Variants in MTUS2 observed in about 807,000 individuals in gnomAD.
MTUS2 encodes the protein microtubule-associated tumor suppressor candidate 2.
MTUS2 carries 40 observed loss-of-function variants against 114.1 expected under a neutral mutation model. The observed-to-expected ratio is 0.35, with a 90% CI of 0.27 to 0.46. The LOEUF (loss-of-function observed/expected upper bound fraction) is 0.46. Among genes scored for constraint, MTUS2 ranks in the 20% least tolerant of loss-of-function variants. MTUS2 has a pLI of 1.00. For missense variants in MTUS2, 1,679 were observed against 1,705.4 expected (o/e 0.98, Z 0.27); for synonymous variants, 688 against 672.0 (o/e 1.02, Z -0.37).
intron 6 of MTUS2, among the ~76,000 whole-genome samples, chr13:29,314,953 A>C (rs1899926286): frequency 6.6e-6 from 1 of 152,214 alleles, no homozygotes; most frequent in Admixed American, 6.5e-5. Context: ...GAATAAAGAA[A>C]ACGTGGTACA....
intron 8 of MTUS2, among the ~76,000 whole-genome samples, chr13:29,415,836 T>A (rs1432038812): frequency 6.6e-6 from 1 of 152,164 alleles, no homozygotes; most frequent in African/African-American, 2.4e-5. Flanking sequence ...GTTGTTGTTG[T>A]TCTAGTGGTT....
chr13:28,833,809 C>T (rs1874874121), intron 1 of MTUS2, among the ~76,000 whole-genome samples: 1 of 151,994 alleles, frequency 6.6e-6, no homozygotes, highest in Non-Finnish European at 1.5e-5. Flanking sequence ...GGACTGTATA[C>T]ACAGACTGTG....
At chr13:28,842,052 G>T (rs1025361631) in intron 2 of MTUS2, among the ~76,000 whole-genome samples, 2 of 152,106 alleles carry the variant, frequency 1.3e-5, no homozygotes, top group Non-Finnish European at 2.9e-5. Context: ...TATGGTGGAG[G>T]ATTTGATACT....
intron 8 of MTUS2, among the ~76,000 whole-genome samples, chr13:29,373,847 A>G (rs1241829781): frequency 2.0e-5 from 3 of 152,260 alleles, no homozygotes; most frequent in African/African-American, 4.8e-5. Context: ...CATACAAAGA[A>G]TCAGGAAATC....
intron 5 of MTUS2, among the ~76,000 whole-genome samples, chr13:29,132,035 T>G (rs772692617): frequency 1.3e-5 from 2 of 152,230 alleles, no homozygotes; most frequent in Non-Finnish European, 1.5e-5. Flanking sequence ...CCTCCCAAGA[T>G]GACACTGCTG....
chr13:28,879,516 A>G (rs1878159917), intron 2 of MTUS2, among the ~76,000 whole-genome samples: 1 of 152,058 alleles, frequency 6.6e-6, no homozygotes. Context: ...AAGACTTCTG[A>G]CCTATTATTT....
chr13:29,176,063 G>A (rs368062545), intron 5 of MTUS2, among the ~76,000 whole-genome samples: 2 of 151,810 alleles, frequency 1.3e-5, no homozygotes, highest in African/African-American at 2.4e-5. Context: ...TCAGCTCACC[G>A]TTTCTGTGGA....
chr13:29,396,996 G>A lies in MTUS2; in HGVS notation c.3117+37523G>A, dbSNP rs144462965. On this transcript the variant is annotated intron_variant, in intron 8 of 15. Transcript: ENST00000612955. ...CAGAGTCCAAGACAGGGTTCTTGAA[G>A]CACATGAATTATTGGGGAGTTGTGC... Among the ~76,000 whole-genome samples, 297 of 152,300 alleles carry A rather than the reference G, an allele frequency of 2.0e-3. 2 individuals are homozygous for A. The highest frequency in any genetic ancestry group is 6.8e-3 in the African/African-American group (283 of 41,558).
At chr13:29,056,916 A>G (rs1401325504) in intron 4 of MTUS2, among the ~76,000 whole-genome samples, 1 of 151,760 alleles carries the variant, frequency 6.6e-6, no homozygotes, top group African/African-American at 2.4e-5. Flanking sequence ...TTGTAATTTG[A>G]TATCTTTCCA....
At chr13:29,271,524 C>T (rs1472902279) in intron 5 of MTUS2, among the ~76,000 whole-genome samples, 15 of 152,164 alleles carry the variant, frequency 9.9e-5, no homozygotes, top group Admixed American at 7.2e-4. Context: ...TTAGTACCTT[C>T]GCATATCCCC....
chr13:29,142,615 AGAATC>A (rs1475083581), intron 5 of MTUS2, among the ~76,000 whole-genome samples: 11 of 152,186 alleles, frequency 7.2e-5, no homozygotes, highest in Non-Finnish European at 1.3e-4. Context: ...CTGAGGCAGG[AGAATC>A]GCTTGAACCT....
At chr13:29,398,017 TAGAA>T (rs1229625400) in intron 8 of MTUS2, among the ~76,000 whole-genome samples, 1 of 152,176 alleles carries the variant, frequency 6.6e-6, no homozygotes, top group East Asian at 1.9e-4. Flanking sequence ...AATCAGAAAT[TAGAA>T]AGAGAATTGT....
At chr13:29,115,830 A>G (rs552451043) in intron 5 of MTUS2, among the ~76,000 whole-genome samples, 147 of 152,308 alleles carry the variant, frequency 9.7e-4, no homozygotes, top group Middle Eastern at 3.4e-3. Flanking sequence ...AGTAAAAGGA[A>G]GCATTTGAAC....
At chr13:28,874,207 T>C (rs1438125844) in intron 2 of MTUS2, among the ~76,000 whole-genome samples, 9 of 152,032 alleles carry the variant, frequency 5.9e-5, no homozygotes. Context: ...TAGTACATCT[T>C]GGCCAGGCTG....
At chr13:29,077,944 CTT>C (rs753269332) in intron 4 of MTUS2, among the ~76,000 whole-genome samples, 1 of 152,132 alleles carries the variant, frequency 6.6e-6, no homozygotes, top group Non-Finnish European at 1.5e-5. Context: ...GCAAAACAAA[CTT>C]AATTCTTCAA....
At chr13:29,335,823 A>G (rs947645783) in intron 7 of MTUS2, among the ~76,000 whole-genome samples, 2 of 152,228 alleles carry the variant, frequency 1.3e-5, no homozygotes, top group African/African-American at 4.8e-5. Context: ...TTTCAGGTAC[A>G]GTCAAACATA....
At chr13:29,482,616 A>T (rs1477470163) in intron 10 of MTUS2, among the ~76,000 whole-genome samples, 1 of 152,224 alleles carries the variant, frequency 6.6e-6, no homozygotes, top group Non-Finnish European at 1.5e-5. Context: ...AGATACTAAG[A>T]TTTATAAAAT....
intron 8 of MTUS2, among the ~76,000 whole-genome samples, chr13:29,366,745 C>T (rs1870754560): frequency 1.3e-5 from 2 of 152,132 alleles, no homozygotes. Context: ...TTGGGGACAC[C>T]ACCAAGTGCA....
At chr13:29,266,039 C>T (rs1289658136) in intron 5 of MTUS2, among the ~76,000 whole-genome samples, 2 of 152,030 alleles carry the variant, frequency 1.3e-5, no homozygotes, top group African/African-American at 2.4e-5. Context: ...TCATAGTTAT[C>T]GCCCTGGAAA....
Sources: allele counts gnomAD v4.1 joint callset (sites outside exome capture counted in the v4.1 genomes callset), GRCh38; gene constraint gnomAD v4.1.1; transcripts MANE v1.5; gene names NCBI Gene and HGNC (gene_info 2026-07-23, HGNC 2026-07-21).